Variants in SCAP observed in about 807,000 individuals in gnomAD.
SCAP encodes the protein SREBF chaperone, also known as sterol regulatory element-binding protein cleavage-activating protein.
A neutral mutation model predicts 123.6 loss-of-function variants in SCAP; 65 were observed. The ratio of observed to expected loss-of-function variants is 0.53; its 90% confidence interval spans 0.43 to 0.65. SCAP has a LOEUF of 0.65. Among genes scored for constraint, SCAP ranks in the 30% least tolerant of loss-of-function variants. SCAP has a pLI of 0.00. For missense variants in SCAP, 1,398 were observed against 1,712.5 expected (o/e 0.82, Z 3.24); for synonymous variants, 740 against 726.3 (o/e 1.02, Z -0.30).
chr3:47,443,944 T>C (rs570492461), intron 1 of SCAP, among the ~76,000 whole-genome samples: 1 of 152,340 alleles, frequency 6.6e-6, no homozygotes, highest in East Asian at 1.9e-4. Context: ...ATGATGTTTA[T>C]TCATCCCACA....
chr3:47,472,418 G>A (rs1447312906), intron 1 of SCAP, among the ~76,000 whole-genome samples: 3 of 148,402 alleles, frequency 2.0e-5, no homozygotes, highest in Non-Finnish European at 4.5e-5. Context: ...TCCGGCCTGG[G>A]CGACAGAGCG....
Position 47,425,696 on chromosome 3 carries a change from G to A in SCAP, c.911-85C>T, listed in dbSNP as rs1706097844. Reference sequence around the variant, plus strand: ...CTCCCGGGAGTAGGTTGCCCTGACAGTCGAGGAAGGGAAAACTCCTGGTTT... The same window carrying A: ...CTCCCGGGAGTAGGTTGCCCTGACAATCGAGGAAGGGAAAACTCCTGGTTT... On this transcript the variant is annotated intron_variant, in intron 7 of 22. Coordinates refer to ENST00000265565, the MANE Select transcript of SCAP (RefSeq NM_012235.4). The A allele has an allele frequency of 2.7e-6, 4 of 1,460,346 alleles. No individual in the cohort carries two copies. In the South Asian group the frequency reaches 3.7e-5, roughly 13 times the overall value. The allele number at this position is 1,460,346 out of a possible 1,614,324, so 90.5% of individuals were successfully genotyped here. A position where few individuals can be genotyped will look rare whatever the true frequency, so the allele number is the denominator to read the frequency against.
rs751688231 is a variant in SCAP, at chr3:47,413,804, G to C, written c.*50C>G. ...CCCCCAAGTCCAGGTTCAGTGCATT[G>C]GCCCCCACACAGCACCCCAGCCTCC... On this transcript the variant is annotated 3_prime_UTR_variant, in exon 23 of 23. Transcript: ENST00000265565. The C allele has an allele frequency of 1.3e-6, 2 of 1,587,882 alleles. No homozygotes were observed. The highest frequency in any genetic ancestry group is 3.4e-5 in the Admixed American group (2 of 58,648).
At position 47,417,378 on chromosome 3, in the gene SCAP, C is replaced by T. The variant is rs1705634678; in HGVS notation, c.2896G>A (p.Ala966Thr). 6.2e-6 allele frequency: 10 copies of T among 1,605,340 alleles called. No individual in the cohort carries two copies. In the East Asian group the frequency reaches 2.0e-4, roughly 33 times the overall value. The part of the protein sequence containing the change: ...GSPSLAWAPS[A>T]EGSIWSLELQ... The stretch of plus-strand genomic sequence containing the variant: ...TCCAAGCTCCAGATGGAACCCTCGG[C>T]ACTGGGGGCCCAGGCGAGGGAAGGG... Residue 966 changes from alanine to threonine, a missense_variant, in exon 17 of 23, where the codon GCC becomes ACC. Around this residue, in one of 7 missense-constraint regions of SCAP, gnomAD observed 828 missense variants for 882.5 expected, o/e 0.94. Transcript: ENST00000265565.
At position 47,424,018 on chromosome 3, in the gene SCAP, A is replaced by G. The variant is rs1706019868; in HGVS notation, c.1065T>C (p.Val355=). 6.2e-7 allele frequency: 1 copy of G among 1,613,920 alleles called. No individual in the cohort carries two copies. The highest frequency in any genetic ancestry group is 1.1e-5 in the South Asian group (1 of 91,084). The part of the protein sequence containing the change: ...GGEIFPYLVV[V]IGLENVLVLT... ...GCACCAACACATTCTCTAACCCAAT[A>G]ACCACCACAAGGTAGGGGAAAATCT... Residue 355 remains valine (V), a synonymous_variant, in exon 9 of 23, where the codon GTT becomes GTC. Transcript: ENST00000265565.
At chr3:47,424,318 C>T (rs1706030728) in intron 8 of SCAP, among the ~76,000 whole-genome samples, 1 of 152,252 alleles carries the variant, frequency 6.6e-6, no homozygotes, top group African/African-American at 2.4e-5. Context: ...AGAGGCCCCT[C>T]AGGGAGAGCT....
Position 47,420,465 on chromosome 3 carries a change from T to TGCCACTC in SCAP, c.1563+82_1563+88dup. 8.3e-7 allele frequency: 1 copy of TGCCACTC among 1,211,066 alleles called. No homozygotes were observed. The highest frequency in any genetic ancestry group is 1.5e-5 in the South Asian group (1 of 65,170). The allele number at this position is 1,211,066 out of a possible 1,614,324, so 75.0% of individuals were successfully genotyped here. A position where few individuals can be genotyped will look rare whatever the true frequency, so the allele number is the denominator to read the frequency against. On this transcript the variant is annotated intron_variant, in intron 12 of 22. Transcript: ENST00000265565. The surrounding 1 kb of genome is among the most constrained non-coding windows in gnomAD (Gnocchi z 5.0). Reference sequence around the variant, plus strand: ...CCACCAGGGCCTGAGGAATACCCTTTGCCACTCTAAGGCCAAGTGCAGCAC... The same window carrying TGCCACTC: ...CCACCAGGGCCTGAGGAATACCCTTTGCCACTCGCCACTCTAAGGCCAAGTGCAGCAC...
chr3:47,417,203 C>A lies in SCAP; in HGVS notation c.2975G>T (p.Trp992Leu), dbSNP rs1212397751. ...GCACAGCACCCCTTCAATGGCGTCC[C>A]ACACCTACGAGTCCAGAGGCTGTGA... ...VGRSSGRLEVWDAIEGVLCCS... is the reference protein window; with the variant it reads ...VGRSSGRLEVLDAIEGVLCCS... Residue 992 changes from tryptophan (W) to leucine (L), a missense_variant, in exon 18 of 23, where the codon TGG becomes TTG. Transcript: ENST00000265565. 2 of 1,612,858 alleles carry A rather than the reference C, an allele frequency of 1.2e-6. No homozygotes were observed. The highest frequency in any genetic ancestry group is 2.2e-5 in the East Asian group (1 of 44,892).
chr3:47,453,379 TA>T (rs143150702), intron 1 of SCAP, among the ~76,000 whole-genome samples: 2 of 87,070 alleles, frequency 2.3e-5, no homozygotes, highest in Non-Finnish European at 4.8e-5. Flanking sequence ...CCCATCTCTT[TA>T]AAAAAAATTT....
rs1469915729 is a variant in SCAP at position 47,425,544 on chromosome 3, C to T, written c.978G>A (p.Ser326=). ...ALAAVVTVLS[S]LLMSVGLCTL... is the part of the protein sequence containing the mutation. ...TGCAGAGTCCCACAGACATGAGCAG[C>T]GAGCTGAGCACTGTGACCACGGCAG... The change falls in exon 8 of 23, where the codon TCG becomes TCA. Residue 326 remains serine, a synonymous_variant. Coordinates refer to ENST00000265565, the MANE Select transcript of SCAP (RefSeq NM_012235.4). The T allele has an allele frequency of 5.0e-6, 8 of 1,614,098 alleles. No homozygotes were observed. The highest frequency in any genetic ancestry group is 2.2e-5 in the South Asian group (2 of 91,086).
chr3:47,417,103 T>C lies in SCAP; in HGVS notation c.3056+19A>G. The C allele has an allele frequency of 4.3e-6, 7 of 1,611,056 alleles. No individual in the cohort carries two copies. Among genetic ancestry groups the C allele is most frequent in the Non-Finnish European group, 5.9e-6 (7 of 1,178,404 alleles). ...AACAAAGGCTGGGGACATCTGGGGC[T>C]GAGGCAGGCCACGCTCACCTTTTGT... On this transcript the variant is annotated intron_variant, in intron 18 of 22. Coordinates refer to ENST00000265565, the MANE Select transcript of SCAP (RefSeq NM_012235.4).
chr3:47,472,582 A>C (rs1478502570), intron 1 of SCAP, among the ~76,000 whole-genome samples: 8 of 152,138 alleles, frequency 5.3e-5, no homozygotes. Flanking sequence ...CCCCACTGCA[A>C]AGCTTCCTTA....
chr3:47,419,017 G>A lies in SCAP; in HGVS notation c.1941-174C>T, dbSNP rs1705774964. The stretch of plus-strand genomic sequence containing the variant: ...GGTCCCTCCCCAGCCCAGCTTAGCA[G>A]CCAACTTGCTGTCCCAGATACCAGC... On this transcript the variant is annotated intron_variant, in intron 13 of 22. Coordinates refer to ENST00000265565, the MANE Select transcript of SCAP (RefSeq NM_012235.4). This position sits in a 1 kb window ranked among gnomAD's most constrained non-coding sequence, Gnocchi z 5.0. Among the ~76,000 whole-genome samples the A allele has an allele frequency of 6.6e-6, 1 of 152,174 alleles. No homozygotes were observed. The highest frequency in any genetic ancestry group is 1.5e-5 in the Non-Finnish European group (1 of 68,030).
At chr3:47,473,241 TA>T (rs1444106027) in intron 1 of SCAP, among the ~76,000 whole-genome samples, 1 of 151,904 alleles carries the variant, frequency 6.6e-6, no homozygotes, top group Non-Finnish European at 1.5e-5. Flanking sequence ...AAACTCTCCG[TA>T]AAGGGGGTGA....
chr3:47,421,032 G>A lies in SCAP; in HGVS notation c.1246-3C>T. 6.2e-7 allele frequency: 1 copy of A among 1,612,464 alleles called. No individual in the cohort carries two copies. Among genetic ancestry groups the A allele is most frequent in the Non-Finnish European group, 8.5e-7 (1 of 1,178,674 alleles). On this transcript the variant is annotated splice_region_variant and splice_polypyrimidine_tract_variant and intron_variant, in intron 10 of 22. Transcript: ENST00000265565. ...ACGACAGCAAAGAGACAGAACTCCT[G>A]GAATCAGAGCACATGGGGATGGGGG...
At chr3:47,414,788 C>T (rs753992550) in intron 20 of SCAP, 39 bp downstream of exon 20, 27 of 1,597,324 alleles carry the variant, frequency 1.7e-5, no homozygotes, top group Non-Finnish European at 1.4e-5. Context: ...CACCCCGTGC[C>T]GGGCCACTCC....
chr3:47,437,956 T>C (rs1374157116), intron 2 of SCAP, among the ~76,000 whole-genome samples: 1 of 152,158 alleles, frequency 6.6e-6, no homozygotes, highest in Non-Finnish European at 1.5e-5. Flanking sequence ...GTTGTACAAA[T>C]TTATGTTCCC....
At position 47,419,272 on chromosome 3, in the gene SCAP, G is replaced by C. The variant is rs566198681; in HGVS notation, c.1940+56C>G. On this transcript the variant is annotated intron_variant, in intron 13 of 22. Transcript: ENST00000265565. This position sits in a 1 kb window ranked among gnomAD's most constrained non-coding sequence, Gnocchi z 5.0. The stretch of plus-strand genomic sequence containing the variant: ...CTGTGGGCCTCCTGCATTGGGGAAA[G>C]GGGATGGTGAGTTGACACCATCGAG... 6.4e-7 allele frequency: 1 copy of C among 1,552,656 alleles called. No individual in the cohort carries two copies. Among genetic ancestry groups the C allele is most frequent in the South Asian group, 1.2e-5 (1 of 81,736 alleles).
intron 1 of SCAP, among the ~76,000 whole-genome samples, chr3:47,447,224 G>A (rs9867128): frequency 1 from 152,270 of 152,272 alleles, 76,134 homozygotes; most frequent in Non-Finnish European, 1. Context: ...ACACAGTGAA[G>A]CCCCTTCTCT....
Sources: allele counts gnomAD v4.1 joint callset (sites outside exome capture counted in the v4.1 genomes callset), GRCh38; gene constraint gnomAD v4.1.1; regional missense constraint gnomAD v4.1.1; non-coding constraint Gnocchi (gnomAD v3.1); transcripts MANE v1.5; gene names NCBI Gene and HGNC (gene_info 2026-07-23, HGNC 2026-07-21).